The following NDST3 variants were observed in gnomAD, a reference collection of about 807,000 sequenced individuals.
NDST3 encodes the protein N-deacetylase and N-sulfotransferase 3, also known as bifunctional heparan sulfate N-deacetylase/N-sulfotransferase 3.
In NDST3, 58 loss-of-function variants were observed where a neutral mutation model predicts 96.1. That is an observed-to-expected ratio of 0.60 (90% CI 0.49 to 0.75). The LOEUF (loss-of-function observed/expected upper bound fraction) is 0.75. Among genes scored for constraint, NDST3 ranks in the 30% least tolerant of loss-of-function variants. The pLI is 0.00. For missense variants in NDST3, 788 were observed against 1,034.2 expected (o/e 0.76, Z 3.27); for synonymous variants, 333 against 359.7 (o/e 0.93, Z 0.84).
intron 6 of NDST3, among the ~76,000 whole-genome samples, chr4:118,212,033 C>T (rs954377777): frequency 3.3e-5 from 5 of 152,112 alleles, no homozygotes; most frequent in Admixed American, 6.6e-5. Context: ...TCCACTTTCC[C>T]TTGTATCAAA....
chr4:118,211,090 C>G (rs1738763313), intron 6 of NDST3, among the ~76,000 whole-genome samples: 1 of 152,142 alleles, frequency 6.6e-6, no homozygotes, highest in African/African-American at 2.4e-5. Context: ...TGCAAATTCT[C>G]TCCTGCACCA....
intron 2 of NDST3, among the ~76,000 whole-genome samples, chr4:118,088,726 T>C (rs1315692891): frequency 2.0e-5 from 3 of 152,042 alleles, no homozygotes; most frequent in Non-Finnish European, 2.9e-5. Flanking sequence ...AAAATACACT[T>C]TCTAAGCCAG....
intron 3 of NDST3, among the ~76,000 whole-genome samples, chr4:118,111,296 G>A (rs1464743681): frequency 2.6e-5 from 4 of 152,006 alleles, no homozygotes; most frequent in East Asian, 1.9e-4. Context: ...AAACCTGCAT[G>A]TCCCCCCGAA....
intron 1 of NDST3, among the ~76,000 whole-genome samples, chr4:118,048,343 C>A (rs1361985450): frequency 1.3e-5 from 2 of 152,064 alleles, no homozygotes; most frequent in African/African-American, 4.8e-5. Context: ...AACCAGCTAA[C>A]AACATGATGA....
At chr4:118,197,811 T>G (rs1737797199) in intron 6 of NDST3, among the ~76,000 whole-genome samples, 1 of 149,762 alleles carries the variant, frequency 6.7e-6, no homozygotes, top group African/African-American at 2.4e-5. Context: ...GGCTTTTTTT[T>G]TTTTTTTGAG....
At chr4:118,094,622 C>A (rs1560638186) in intron 2 of NDST3, among the ~76,000 whole-genome samples, 1 of 151,786 alleles carries the variant, frequency 6.6e-6, no homozygotes. Context: ...AAATATTATT[C>A]TTTCCTCTTC....
chr4:118,053,530 A>G (rs1052434842), intron 1 of NDST3, among the ~76,000 whole-genome samples: 1 of 151,868 alleles, frequency 6.6e-6, no homozygotes, highest in Non-Finnish European at 1.5e-5. Flanking sequence ...CTGTTAGCCC[A>G]AAGTCTTTTT....
At chr4:118,151,967 C>T (rs576166720) in intron 6 of NDST3, among the ~76,000 whole-genome samples, 9 of 152,082 alleles carry the variant, frequency 5.9e-5, no homozygotes, top group African/African-American at 1.2e-4. Flanking sequence ...TTAGCCTGTA[C>T]GCTTGTGGTT....
intron 2 of NDST3, among the ~76,000 whole-genome samples, chr4:118,058,837 C>T (rs923569774): frequency 6.6e-6 from 1 of 152,108 alleles, no homozygotes; most frequent in African/African-American, 2.4e-5. Flanking sequence ...GAAAGCACTT[C>T]ATGACCCAGT....
chr4:118,159,835 C>G (rs1275028613), intron 6 of NDST3, among the ~76,000 whole-genome samples: 1 of 152,064 alleles, frequency 6.6e-6, no homozygotes, highest in African/African-American at 2.4e-5. Context: ...AATCAGGGAA[C>G]TTGAAGACAG....
chr4:118,194,284 G>A (rs1024533559), intron 6 of NDST3: 14 of 730,242 alleles, frequency 1.9e-5, no homozygotes, highest in East Asian at 7.4e-5. Context: ...AGCCTTCACC[G>A]CAAGTCTGTA....
At chr4:118,155,371 T>G (rs1176858937) in intron 6 of NDST3, among the ~76,000 whole-genome samples, 2 of 152,168 alleles carry the variant, frequency 1.3e-5, no homozygotes, top group Non-Finnish European at 2.9e-5. Flanking sequence ...TCTTCCTACA[T>G]CCCAAAAATG....
chr4:118,194,624 G>A (rs560820668), intron 6 of NDST3: 1 of 710,902 alleles, frequency 1.4e-6, no homozygotes, highest in South Asian at 1.5e-5. Flanking sequence ...GGGCATCTCT[G>A]TACCTGTGCC....
At chr4:118,230,952 ATACT>A (rs1161279599) in intron 8 of NDST3, among the ~76,000 whole-genome samples, 1 of 152,152 alleles carries the variant, frequency 6.6e-6, no homozygotes, top group Non-Finnish European at 1.5e-5. Flanking sequence ...TAATTTATAA[ATACT>A]TAAATAGTAT....
chr4:118,214,222 A>G (rs1313841506), intron 6 of NDST3, among the ~76,000 whole-genome samples: 2 of 152,184 alleles, frequency 1.3e-5, no homozygotes, highest in Non-Finnish European at 2.9e-5. Flanking sequence ...TAAGTGGGAA[A>G]ATATGAAGAT....
At chr4:118,251,625 A>T (rs1284513824) in intron 12 of NDST3, among the ~76,000 whole-genome samples, 2 of 151,652 alleles carry the variant, frequency 1.3e-5, no homozygotes, top group African/African-American at 2.4e-5. Flanking sequence ...TTATTTCTGA[A>T]CTCTTCATTT....
chr4:118,109,859 T>G (rs898477410), intron 3 of NDST3, among the ~76,000 whole-genome samples: 1 of 152,244 alleles, frequency 6.6e-6, no homozygotes, highest in African/African-American at 2.4e-5. Context: ...TAATACTTTA[T>G]GTCAGAAGAG....
intron 1 of NDST3, among the ~76,000 whole-genome samples, chr4:118,040,156 GT>G (rs1192559995): frequency 6.6e-6 from 1 of 152,198 alleles, no homozygotes; most frequent in Non-Finnish European, 1.5e-5. Context: ...GACAGGTTAA[GT>G]TTGCTTGTGA....
chr4:118,200,448 T>C (rs913242035), intron 6 of NDST3, among the ~76,000 whole-genome samples: 3 of 152,192 alleles, frequency 2.0e-5, no homozygotes, highest in African/African-American at 7.2e-5. Flanking sequence ...TTTAGAGCAG[T>C]GAGGTCCCTT....
Sources: allele counts gnomAD v4.1 joint callset (sites outside exome capture counted in the v4.1 genomes callset), GRCh38; gene constraint gnomAD v4.1.1; transcripts MANE v1.5; gene names NCBI Gene and HGNC (gene_info 2026-07-23, HGNC 2026-07-21).